FKBP10: variants seen among roughly 807,000 people sequenced by gnomAD.
FKBP10 encodes the protein FKBP prolyl isomerase 10.
Under a neutral mutation model 53.7 loss-of-function variants are expected in FKBP10, and 34 were observed. The ratio of observed to expected loss-of-function variants is 0.63; its 90% CI spans 0.48 to 0.84. The LOEUF is 0.84. Ranked by LOEUF, FKBP10 falls within the 40% of genes least tolerant of loss-of-function variation. FKBP10 has a pLI of 0.00. For synonymous variants in FKBP10, 324 were observed against 335.7 expected (o/e 0.97, Z 0.38); for missense variants, 748 against 797.8 (o/e 0.94, Z 0.75).
intron 2 of FKBP10, 29 bp from the exon 3 acceptor site, chr17:41,818,060 G>A: frequency 6.4e-7 from 1 of 1,567,924 alleles, no homozygotes; most frequent in Middle Eastern, 1.7e-4. Flanking sequence ...GCAGAACTCT[G>A]AGACCTCCAC....
intron 1 of FKBP10, among the ~76,000 whole-genome samples, chr17:41,814,890 G>A (rs1265125545): frequency 6.6e-6 from 1 of 151,952 alleles, no homozygotes; most frequent in Non-Finnish European, 1.5e-5. Flanking sequence ...ATGCCACCAC[G>A]CCCAGCTAAT....
intron 1 of FKBP10, among the ~76,000 whole-genome samples, chr17:41,815,209 G>A (rs1555615951): frequency 6.6e-6 from 1 of 152,176 alleles, no homozygotes; most frequent in East Asian, 1.9e-4. Flanking sequence ...TCCCTGCGGA[G>A]GCCCTGTCTG....
rs202161349 is a variant in FKBP10 at position 41,819,297 on chromosome 17, C to A, written c.815C>A (p.Thr272Lys). ...CCGAAGGACGCTGTCCAGCTAGAGA[C>A]GCTGGAGCTCCCCCCCGGCTGTGTC... is the stretch of plus-strand genomic sequence containing the variant. The part of the protein sequence containing the change: ...HNPKDAVQLE[T>K]LELPPGCVRR... Residue 272 changes from threonine to lysine, a missense_variant, in exon 5 of 10, where the codon ACG (threonine) becomes AAG (lysine). Coordinates refer to ENST00000321562, the MANE Select transcript of FKBP10 (RefSeq NM_021939.4). The A allele has an allele frequency of 1.9e-6, 3 of 1,613,964 alleles. No individual in the cohort carries two copies. Among genetic ancestry groups the A allele is most frequent in the Non-Finnish European group, 2.5e-6 (3 of 1,179,988 alleles).
At chr17:41,819,804 T>G (rs1333501297) in intron 6 of FKBP10, 129 bp downstream of exon 6, 1 of 1,540,138 alleles carries the variant, frequency 6.5e-7, no homozygotes, top group African/African-American at 1.4e-5. Flanking sequence ...TGCATGCAGC[T>G]TACATCTGGT....
At chr17:41,817,031 G>A (rs2047824368) in intron 1 of FKBP10, 27 bp from the exon 2 acceptor site, 3 of 1,613,820 alleles carry the variant, frequency 1.9e-6, no homozygotes, top group Non-Finnish European at 2.5e-6. Context: ...TGAGGTCACT[G>A]TATCCCATCT....
chr17:41,814,042 C>T (rs945320289), intron 1 of FKBP10, among the ~76,000 whole-genome samples: 13 of 152,194 alleles, frequency 8.5e-5, no homozygotes, highest in African/African-American at 3.1e-4. Flanking sequence ...CTGACCCAGG[C>T]CTTTGGTCTG....
In FKBP10 at chr17:41,813,185, A is replaced by C. The variant is rs1567852387; in HGVS notation, c.151A>C (p.Ile51Leu). The C allele has an allele frequency of 6.2e-7, 1 of 1,613,132 alleles. No individual in the cohort carries two copies. Reference sequence around the variant, plus strand: ...AGATGTGGTCATCGAGAGGTACCACATCCCCAGGGCCTGTCCCCGGGAAGT... The same window carrying C: ...AGATGTGGTCATCGAGAGGTACCACCTCCCCAGGGCCTGTCCCCGGGAAGT... The part of the protein sequence containing the change: ...LEDVVIERYH[I>L]PRACPREVQM... Residue 51 changes from isoleucine to leucine, a missense_variant, in exon 1 of 10, where the codon ATC becomes CTC. By Grantham distance (5) the Ile-to-Leu change is conservative (BLOSUM62 2). Coordinates refer to ENST00000321562, the MANE Select transcript of FKBP10 (RefSeq NM_021939.4).
chr17:41,818,399 C>T lies in FKBP10; in HGVS notation c.599C>T (p.Thr200Ile), dbSNP rs781991179. The T allele has an allele frequency of 2.5e-6, 4 of 1,614,080 alleles. No homozygotes were observed. The highest frequency in any genetic ancestry group is 1.3e-5 in the African/African-American group (1 of 74,938). ...TTCTGCAGCTACAGTAAGGGCGGCA[C>T]TTATGACACCTACGTCGGCTCTGGT... is the stretch of plus-strand genomic sequence containing the variant. ...SFDTSYSKGG[T>I]YDTYVGSGWL... The change falls in exon 4 of 10, where the codon ACT (threonine) becomes ATT (isoleucine). Residue 200 changes from threonine to isoleucine, a missense_variant. Physicochemically the swap from Thr to Ile is moderately conservative, Grantham distance 89 (BLOSUM62 -1). Transcript: ENST00000321562.
chr17:41,819,502 T>C lies in FKBP10; in HGVS notation c.918-28T>C, dbSNP rs782372686. 52 of 1,613,890 alleles carry C rather than the reference T, an allele frequency of 3.2e-5. No individual in the cohort carries two copies. The Admixed American group carries it at 7.5e-4, about 23-fold the overall frequency. ...GAAGGGGAGGGCCCCTTTGACTCCCTTCCTGGCCCTCCCGCCTTGTATTGC... is the reference window on the plus strand; with the variant it reads ...GAAGGGGAGGGCCCCTTTGACTCCCCTCCTGGCCCTCCCGCCTTGTATTGC... On this transcript the variant is annotated intron_variant, in intron 5 of 9. Transcript: ENST00000321562.
At chr17:41,821,947 C>A (rs2047897556) in intron 9 of FKBP10, 130 bp downstream of exon 9, 2 of 1,143,146 alleles carry the variant, frequency 1.7e-6, no homozygotes, top group Non-Finnish European at 2.5e-6. Context: ...GAGTCCCACG[C>A]CTCAGGCTCC....
intron 1 of FKBP10, among the ~76,000 whole-genome samples, chr17:41,816,312 C>T (rs570844676): frequency 5.4e-5 from 7 of 130,160 alleles, no homozygotes; most frequent in Non-Finnish European, 7.8e-5. Flanking sequence ...CTCATTGCAA[C>T]CTCCGCCTCC....
At chr17:41,821,486 G>T (rs1364403762) in intron 8 of FKBP10, among the ~76,000 whole-genome samples, 168 bp from the exon 9 acceptor site, 1 of 152,110 alleles carries the variant, frequency 6.6e-6, no homozygotes, top group African/African-American at 2.4e-5. Flanking sequence ...CTGATGACTG[G>T]TGGGAGGAGT....
At position 41,820,386 on chromosome 17, in the gene FKBP10, A is replaced by G. The variant is rs1555616843; in HGVS notation, c.1181A>G (p.Glu394Gly). ...TLSRPSETCNETTKLGDFVRY... is the reference protein window; with the variant it reads ...TLSRPSETCNGTTKLGDFVRY... ...TCCCGGCCATCTGAGACCTGCAATGAGACCACCAAGCTTGGGGACTTTGTT... is the reference window on the plus strand; with the variant it reads ...TCCCGGCCATCTGAGACCTGCAATGGGACCACCAAGCTTGGGGACTTTGTT... Residue 394 changes from glutamate (E) to glycine (G), a missense_variant, in exon 7 of 10, where the codon GAG becomes GGG. Coordinates refer to ENST00000321562, the MANE Select transcript of FKBP10 (RefSeq NM_021939.4). The G allele has an allele frequency of 1.2e-6, 2 of 1,614,150 alleles. No individual in the cohort carries two copies. Among genetic ancestry groups the G allele is most frequent in the Non-Finnish European group, 1.7e-6 (2 of 1,180,014 alleles).
At position 41,818,246 on chromosome 17, in the gene FKBP10, C is replaced by T. The variant is rs149848044; in HGVS notation, c.549C>T (p.Gly183=). ...ACTTTGTCCGCTACCACTACAATGGCACCCTGCTGGACGGCACCTCCTTCG... is the reference window on the plus strand; with the variant it reads ...ACTTTGTCCGCTACCACTACAATGGTACCCTGCTGGACGGCACCTCCTTCG... The part of the protein sequence containing the change: ...DGDFVRYHYN[G]TLLDGTSFDT... The change falls in exon 3 of 10, where the codon GGC becomes GGT. Residue 183 remains glycine (G), a synonymous_variant. Coordinates refer to ENST00000321562, the MANE Select transcript of FKBP10 (RefSeq NM_021939.4). 7.8e-5 allele frequency: 126 copies of T among 1,613,616 alleles called. No individual in the cohort carries two copies. The African/African-American group carries it at 1.5e-3, about 19-fold the overall frequency.
chr17:41,817,198 G>T lies in FKBP10; in HGVS notation c.386G>T (p.Gly129Val). The stretch of plus-strand genomic sequence containing the variant: ...CCCCACCTGGGCTATGGGAGCATCG[G>T]CCTGGGTGAGAAGGGCTGGGGCACA... ...VPPHLGYGSI[G>V]LAGLIPPDAT... Residue 129 changes from glycine to valine, a missense_variant, in exon 2 of 10, where the codon GGC (glycine) becomes GTC (valine). Physicochemically the swap from Gly to Val is moderately radical, Grantham distance 109. Coordinates refer to ENST00000321562, the MANE Select transcript of FKBP10 (RefSeq NM_021939.4). 1 of 1,612,916 alleles carries T rather than the reference G, an allele frequency of 6.2e-7. No homozygotes were observed.
chr17:41,817,330 T>C (rs2047829624), intron 2 of FKBP10, 127 bp downstream of exon 2: 1 of 1,286,516 alleles, frequency 7.8e-7, no homozygotes, highest in Non-Finnish European at 1.1e-6. Context: ...GTGCACGCAG[T>C]ATGAAGAGTG....
Position 41,820,399 on chromosome 17 carries a change from T to A in FKBP10, c.1194T>A (p.Leu398=). Residue 398 remains leucine, a synonymous_variant, in exon 7 of 10, where the codon CTT becomes CTA. Coordinates refer to ENST00000321562, the MANE Select transcript of FKBP10 (RefSeq NM_021939.4). The stretch of plus-strand genomic sequence containing the variant: ...AGACCTGCAATGAGACCACCAAGCT[T>A]GGGGACTTTGTTCGATACCATTACA... ...PSETCNETTK[L]GDFVRYHYNC... The A allele has an allele frequency of 6.2e-7, 1 of 1,612,608 alleles. No homozygotes were observed. The highest frequency in any genetic ancestry group is 1.1e-5 in the South Asian group (1 of 91,030).
chr17:41,813,526 T>C (rs1221683040), intron 1 of FKBP10, among the ~76,000 whole-genome samples: 1 of 152,072 alleles, frequency 6.6e-6, no homozygotes, highest in African/African-American at 2.4e-5. Flanking sequence ...ATAATCAAGG[T>C]GAACTGCCTT....
intron 7 of FKBP10, 79 bp from the exon 8 acceptor site, chr17:41,820,867 TG>T: frequency 6.4e-7 from 1 of 1,555,236 alleles, no homozygotes; most frequent in Admixed American, 1.9e-5. Flanking sequence ...GGGCTTGTTC[TG>T]GGCCCACCTC....
Sources: gnomAD v4.1 joint callset for allele counts (sites outside exome capture counted in the v4.1 genomes callset) on GRCh38, gnomAD v4.1.1 for gene constraint, MANE v1.5 for transcripts, NCBI Gene and HGNC (gene_info 2026-07-23, HGNC 2026-07-21) for gene names.